Variants in ZFX observed in about 807,000 individuals in gnomAD.
ZFX encodes zinc finger protein X-linked, also known as zinc finger X-chromosomal protein.
For missense variants in ZFX, 362 were observed against 628.3 expected, an observed-to-expected ratio of 0.58 and a Z score of 4.53; for synonymous variants, 196 against 226.8, an observed-to-expected ratio of 0.86 and a Z score of 1.22.
intron 5 of ZFX, among the ~76,000 whole-genome samples, chrX:24,192,601 A>C (rs926059315): frequency 1.8e-5 from 2 of 111,617 alleles, no homozygotes; most frequent in Admixed American, 9.6e-5. Context: ...TGTGGCAATC[A>C]GTGTTGCAGT....
rs1170499827 is a variant in ZFX at position 24,208,231 on chromosome X, C to T, written c.954C>T (p.Ile318=). 5.8e-6 allele frequency: 7 copies of T among 1,210,922 alleles called. No homozygotes were observed. Among genetic ancestry groups the T allele is most frequent in the South Asian group, 1.8e-5 (1 of 56,849 alleles). Residue 318 remains isoleucine, a synonymous_variant, in exon 8 of 10, where the codon ATC becomes ATT. Transcript: ENST00000304543. ...PEDEDLNVAE[I]ADEVYMEVIV... is the part of the protein sequence containing the mutation. The stretch of plus-strand genomic sequence containing the variant: ...CTTTCTACTTAGATGTTGCTGAAAT[C>T]GCTGACGAAGTTTATATGGAAGTGA...
intron 3 of ZFX, among the ~76,000 whole-genome samples, chrX:24,163,364 GTTTTTTTT>G (rs66467960): frequency 1.2e-3 from 22 of 19,046 alleles, no homozygotes; most frequent in African/African-American, 1.9e-3. Flanking sequence ...TTTTTGTTAG[GTTTTTTTT>G]TTTTTTTTTT....
chrX:24,190,905 C>T (rs1936484321), intron 5 of ZFX, among the ~76,000 whole-genome samples: 1 of 111,787 alleles, frequency 8.9e-6, no homozygotes, highest in Non-Finnish European at 1.9e-5. Context: ...TACTGCTTGA[C>T]TTCCAGGGTG....
intron 5 of ZFX, among the ~76,000 whole-genome samples, chrX:24,192,643 A>G (rs753649892): frequency 8.9e-6 from 1 of 111,815 alleles, no homozygotes; most frequent in Non-Finnish European, 1.9e-5. Flanking sequence ...ACAATGGCTC[A>G]CACCTGTAAT....
At chrX:24,208,514 T>A (rs1937786388) in intron 8 of ZFX, 144 bp downstream of exon 8, 2 of 787,912 alleles carry the variant, frequency 2.5e-6, no homozygotes, top group East Asian at 3.6e-5. Flanking sequence ...AATTAGAGTA[T>A]AAAGTCTACT....
intron 9 of ZFX, chrX:24,209,242 T>C (rs1937860999): frequency 3.3e-6 from 2 of 611,259 alleles, no homozygotes; most frequent in Non-Finnish European, 4.8e-6. Context: ...AGGACATGGC[T>C]GAAACATGGA....
chrX:24,159,622 C>T (rs1042324166), intron 3 of ZFX, among the ~76,000 whole-genome samples: 8 of 109,461 alleles, frequency 7.3e-5, no homozygotes, highest in South Asian at 4.2e-4. Context: ...TACAGGTGCC[C>T]GCCACCATGC....
intron 5 of ZFX, among the ~76,000 whole-genome samples, chrX:24,206,349 T>C (rs1292236323): frequency 9.0e-6 from 1 of 111,513 alleles, no homozygotes; most frequent in Non-Finnish European, 1.9e-5. Flanking sequence ...ATTTTACTTC[T>C]AGGACATTCT....
At chrX:24,150,430 G>A (rs1931928483) in intron 1 of ZFX, 1 of 112,466 alleles carries the variant, frequency 8.9e-6, no homozygotes, top group Admixed American at 9.2e-5. Flanking sequence ...GGCGGCCATT[G>A]CCCTTGCCGC....
Position 24,210,519 on chromosome X carries a change from T to G in ZFX, c.1561T>G (p.Cys521Gly). Residue 521 changes from cysteine (C) to glycine (G), a missense_variant, in exon 10 of 10, where the codon TGT becomes GGT. By Grantham distance (159) the Cys-to-Gly change is radical (BLOSUM62 -3). Transcript: ENST00000304543. Reference protein sequence around the residue: ...KEKGANKMHKCKFCEYETAEQ... With the variant: ...KEKGANKMHKGKFCEYETAEQ... The stretch of plus-strand genomic sequence containing the variant: ...AAAAGGAGCCAACAAAATGCACAAG[T>G]GTAAATTCTGTGAATACGAGACAGC... The G allele has an allele frequency of 8.3e-7, 1 of 1,211,523 alleles. No individual in the cohort carries two copies. The highest frequency in any genetic ancestry group is 1.1e-6 in the Non-Finnish European group (1 of 895,525).
At chrX:24,204,883 G>A (rs889276301) in intron 5 of ZFX, among the ~76,000 whole-genome samples, 1 of 111,905 alleles carries the variant, frequency 8.9e-6, no homozygotes, top group Non-Finnish European at 1.9e-5. Flanking sequence ...TTAGTAAATG[G>A]TAGCTGCATT....
rs1938132684 is a variant in ZFX, at chrX:24,212,144, T to G, written c.*768T>G. ...AATGGTTGTGTGCTACAAATGACAC[T>G]TACTGAGGACTGCATTTTGGAATCT... On this transcript the variant is annotated 3_prime_UTR_variant, in exon 10 of 10. Transcript: ENST00000304543. 1 of 112,432 alleles carries G rather than the reference T, an allele frequency of 8.9e-6. No individual in the cohort carries two copies. Among genetic ancestry groups the G allele is most frequent in the African/African-American group, 3.2e-5 (1 of 30,866 alleles). The allele number at this position is 112,432 out of a possible 1,213,427, so 9.3% of individuals were successfully genotyped here.
chrX:24,169,863 G>T (rs1174572406), intron 3 of ZFX, among the ~76,000 whole-genome samples: 1 of 111,037 alleles, frequency 9.0e-6, no homozygotes, highest in Non-Finnish European at 1.9e-5. Context: ...AGTAAGGGGT[G>T]AGGGGAGGGT....
At chrX:24,186,702 C>A (rs895183677) in intron 5 of ZFX, among the ~76,000 whole-genome samples, 3 of 111,646 alleles carry the variant, frequency 2.7e-5, no homozygotes, top group Non-Finnish European at 5.6e-5. Flanking sequence ...TTTATAATAT[C>A]ATGGTTGTGT....
At chrX:24,203,582 C>T (rs750017632) in intron 5 of ZFX, among the ~76,000 whole-genome samples, 1 of 112,430 alleles carries the variant, frequency 8.9e-6, no homozygotes, top group African/African-American at 3.2e-5. Flanking sequence ...TTGAGAAACC[C>T]TTGGCCTGCA....
intron 5 of ZFX, among the ~76,000 whole-genome samples, chrX:24,185,555 ATTC>A (rs1601900745): frequency 9.0e-6 from 1 of 111,006 alleles, no homozygotes; most frequent in African/African-American, 3.3e-5. Flanking sequence ...GGTTCAAGTG[ATTC>A]TCCTGCCTCA....
intron 5 of ZFX, among the ~76,000 whole-genome samples, chrX:24,198,049 G>T (rs1937035029): frequency 8.9e-6 from 1 of 111,842 alleles, no homozygotes; most frequent in African/African-American, 3.3e-5. Context: ...AATGAGCAGT[G>T]AATTCATTTA....
intron 3 of ZFX, among the ~76,000 whole-genome samples, chrX:24,160,602 A>G (rs1378986435): frequency 9.0e-6 from 1 of 111,564 alleles, no homozygotes; most frequent in Non-Finnish European, 1.9e-5. Context: ...CCCAGCCGAA[A>G]TACACGTATT....
Position 24,207,318 on chromosome X carries a change from C to T in ZFX, c.647-8C>T. The T allele has an allele frequency of 1.7e-6, 2 of 1,194,572 alleles. No homozygotes were observed. Among genetic ancestry groups the T allele is most frequent in the Non-Finnish European group, 2.3e-6 (2 of 886,111 alleles). ...TTACTATTTGTGATTTATTTCCTTC[C>T]TTTTTAGTGGATGATGCTGGCAAAA... is the stretch of plus-strand genomic sequence containing the variant. On this transcript the variant is annotated splice_polypyrimidine_tract_variant and splice_region_variant and intron_variant, in intron 5 of 9. Transcript: ENST00000304543.
Sources: allele counts gnomAD v4.1 joint callset (sites outside exome capture counted in the v4.1 genomes callset), GRCh38; gene constraint gnomAD v4.1.1; transcripts MANE v1.5; gene names NCBI Gene and HGNC (gene_info 2026-07-23, HGNC 2026-07-21).